LRCH1: variants seen among roughly 807,000 people sequenced by gnomAD.
LRCH1 encodes leucine rich repeats and calponin homology domain containing 1.
LRCH1 carries 23 observed loss-of-function variants against 94.9 expected under a neutral mutation model. The observed-to-expected ratio is 0.24, with a 90% confidence interval of 0.17 to 0.34. The LOEUF is 0.34. Ranked by LOEUF, LRCH1 falls within the 10% of genes least tolerant of loss-of-function variation. The probability of loss-of-function intolerance (pLI) is 1.00; values close to 1 mark genes in which losing one functional copy is unlikely to be tolerated. For synonymous variants in LRCH1, 364 were observed against 354.9 expected, an observed-to-expected ratio of 1.03 and a Z score of -0.29; for missense variants, 790 against 945.9, an observed-to-expected ratio of 0.84 and a Z score of 2.16.
intron 1 of LRCH1, among the ~76,000 whole-genome samples, chr13:46,640,898 C>T (rs1411262496): frequency 6.6e-6 from 1 of 152,178 alleles, no homozygotes; most frequent in Non-Finnish European, 1.5e-5. Flanking sequence ...GTTGTTTGAC[C>T]TGACTTCTTT....
chr13:46,621,602 G>A (rs1167173749), intron 1 of LRCH1, among the ~76,000 whole-genome samples: 1 of 152,064 alleles, frequency 6.6e-6, no homozygotes, highest in African/African-American at 2.4e-5. Flanking sequence ...GTCAGGAAGG[G>A]GTTCTGCATT....
chr13:46,703,202 G>A (rs1346238415), intron 11 of LRCH1, among the ~76,000 whole-genome samples: 2 of 152,206 alleles, frequency 1.3e-5, no homozygotes, highest in Non-Finnish European at 2.9e-5. Context: ...GTTAGTACAT[G>A]TAGGCATGTG....
chr13:46,750,353 A>G (rs1874075251), intron 18 of LRCH1, among the ~76,000 whole-genome samples: 2 of 152,130 alleles, frequency 1.3e-5, no homozygotes, highest in South Asian at 4.1e-4. Flanking sequence ...AAAAATCATT[A>G]TTTTCTCTGC....
At chr13:46,614,196 T>C (rs996131682) in intron 1 of LRCH1, among the ~76,000 whole-genome samples, 3 of 152,208 alleles carry the variant, frequency 2.0e-5, no homozygotes, top group African/African-American at 7.2e-5. Flanking sequence ...ACAATACTTG[T>C]GTGGTACTCT....
intron 10 of LRCH1, among the ~76,000 whole-genome samples, chr13:46,700,389 G>A (rs768763128): frequency 1.3e-4 from 20 of 152,092 alleles, no homozygotes; most frequent in Non-Finnish European, 2.8e-4. Flanking sequence ...CTCTGGTCAC[G>A]GTCTGTATTA....
chr13:46,671,973 G>T (rs1425116394), intron 3 of LRCH1, among the ~76,000 whole-genome samples: 1 of 152,166 alleles, frequency 6.6e-6, no homozygotes, highest in Non-Finnish European at 1.5e-5. Flanking sequence ...TCTTGGTGTT[G>T]TACATTCTAT....
At chr13:46,566,339 G>T (rs2050184144) in intron 1 of LRCH1, among the ~76,000 whole-genome samples, 2 of 151,980 alleles carry the variant, frequency 1.3e-5, no homozygotes, top group South Asian at 4.1e-4. Flanking sequence ...TCTTTTACTG[G>T]CATCCAGCAT....
intron 3 of LRCH1, among the ~76,000 whole-genome samples, chr13:46,677,236 C>T (rs1048902765): frequency 7.0e-6 from 1 of 142,884 alleles, no homozygotes; most frequent in African/African-American, 2.7e-5. Context: ...ATGGTGAAAC[C>T]TCGTCTCTAC....
intron 4 of LRCH1, 88 bp downstream of exon 4, chr13:46,681,934 C>T (rs974874219): frequency 6.7e-6 from 3 of 446,166 alleles, no homozygotes; most frequent in African/African-American, 8.9e-5. Flanking sequence ...GAGGGTCGAT[C>T]TTTGTGTGTG....
chr13:46,567,468 C>T (rs770710760), intron 1 of LRCH1, among the ~76,000 whole-genome samples: 6 of 144,336 alleles, frequency 4.2e-5, no homozygotes, highest in Non-Finnish European at 8.9e-5. Context: ...AAATGATAAT[C>T]TCTGCATGCA....
intron 7 of LRCH1, 52 bp downstream of exon 7, chr13:46,689,248 C>T: frequency 7.1e-7 from 1 of 1,413,134 alleles, no homozygotes; most frequent in African/African-American, 1.4e-5. Context: ...ACATATCTAC[C>T]AGTGTTCATT....
At chr13:46,738,818 T>C (rs537517442) in intron 19 of LRCH1, among the ~76,000 whole-genome samples, 1 of 152,360 alleles carries the variant, frequency 6.6e-6, no homozygotes, top group East Asian at 1.9e-4. Flanking sequence ...CTATCTCTTT[T>C]CTAGCTATAA....
chr13:46,711,706 T>A, intron 13 of LRCH1, 85 bp from the exon 14 acceptor site: 1 of 971,916 alleles, frequency 1.0e-6, no homozygotes, highest in Non-Finnish European at 1.6e-6. Context: ...ACCGGGGACA[T>A]GATGGCAGTA....
chr13:46,668,392 A>G (rs2051549562), intron 2 of LRCH1, among the ~76,000 whole-genome samples: 2 of 152,222 alleles, frequency 1.3e-5, no homozygotes, highest in Non-Finnish European at 2.9e-5. Context: ...CCAGAAGACC[A>G]ACTTTCCTTT....
At chr13:46,747,067 AC>A (rs560379793), downstream of LRCH1, among the ~76,000 whole-genome samples, 121 of 152,234 alleles carry the variant, frequency 7.9e-4, no homozygotes, top group Non-Finnish European at 1.5e-3. Flanking sequence ...ATCTGAGGGC[AC>A]CTCTGGGCTT....
intron 2 of LRCH1, among the ~76,000 whole-genome samples, chr13:46,657,505 T>TTTC (rs2051388960): frequency 3.0e-5 from 1 of 32,932 alleles, no homozygotes; most frequent in African/African-American, 1.5e-4. Context: ...CTTTTCTTTT[T>TTTC]TTTTTTTTTT....
chr13:46,658,095 T>A (rs61508951), intron 2 of LRCH1, among the ~76,000 whole-genome samples: 2 of 152,300 alleles, frequency 1.3e-5, no homozygotes, highest in African/African-American at 4.8e-5. Context: ...ATGAAAATAG[T>A]TGTTAGGGAT....
chr13:46,687,740 G>A (rs1673827927), intron 5 of LRCH1, 112 bp from the exon 6 acceptor site: 3 of 773,512 alleles, frequency 3.9e-6, no homozygotes, highest in South Asian at 2.2e-5. Flanking sequence ...CATTGGTAGG[G>A]TGTTACTTAA....
At chr13:46,599,521 T>G (rs1386752055) in intron 1 of LRCH1, among the ~76,000 whole-genome samples, 1 of 152,048 alleles carries the variant, frequency 6.6e-6, no homozygotes, top group African/African-American at 2.4e-5. Flanking sequence ...GTTACTTTCA[T>G]TTTTTTTGGT....
Sources: gnomAD v4.1 joint callset for allele counts (sites outside exome capture counted in the v4.1 genomes callset) on GRCh38, gnomAD v4.1.1 for gene constraint, MANE v1.5 for transcripts, NCBI Gene and HGNC (gene_info 2026-07-23, HGNC 2026-07-21) for gene names.